Variants in OPCML observed in about 807,000 individuals in gnomAD.
The protein encoded by OPCML is opioid-binding protein/cell adhesion molecule.
A neutral mutation model predicts 37.8 loss-of-function variants in OPCML; 13 were observed. The observed-to-expected ratio is 0.34, with a 90% CI of 0.22 to 0.55. The LOEUF is 0.55. Ranked by LOEUF, OPCML falls within the 20% of genes least tolerant of loss-of-function variation. The pLI, the probability that OPCML is intolerant of heterozygous loss-of-function variation, is 0.91. For synonymous variants in OPCML, 176 were observed against 168.8 expected (o/e 1.04, Z -0.33); for missense variants, 341 against 435.6 (o/e 0.78, Z 1.93).
chr11:133,104,430 G>A (rs561121967), intron 1 of OPCML, among the ~76,000 whole-genome samples: 2 of 152,124 alleles, frequency 1.3e-5, no homozygotes, highest in East Asian at 3.9e-4. Flanking sequence ...ATAGGGACCT[G>A]GAAAAAAAGA....
intron 1 of OPCML, among the ~76,000 whole-genome samples, chr11:133,509,905 G>A (rs570587668): frequency 2.0e-5 from 3 of 152,256 alleles, no homozygotes; most frequent in South Asian, 4.2e-4. Flanking sequence ...CTTCTTAAAG[G>A]CTTTGGGGGT....
At chr11:133,326,551 GTA>G (rs1246413090) in intron 1 of OPCML, among the ~76,000 whole-genome samples, 9 of 144,172 alleles carry the variant, frequency 6.2e-5, no homozygotes, top group African/African-American at 2.1e-4. Context: ...GTGGGTGTGG[GTA>G]TATGTGTGTG....
At chr11:132,515,765 C>T (rs1279845810) in intron 4 of OPCML, among the ~76,000 whole-genome samples, 1 of 152,164 alleles carries the variant, frequency 6.6e-6, no homozygotes, top group Admixed American at 6.5e-5. Context: ...TGATCTTCTT[C>T]ACACTACCAT....
intron 1 of OPCML, among the ~76,000 whole-genome samples, chr11:133,440,399 CA>C (rs574269636): frequency 2.5e-3 from 252 of 100,176 alleles, no homozygotes; most frequent in Middle Eastern, 9.6e-3. Context: ...AACTCCATCT[CA>C]AAAAAAAAAA....
chr11:133,194,949 G>A (rs1343471189), intron 1 of OPCML, among the ~76,000 whole-genome samples: 3 of 152,130 alleles, frequency 2.0e-5, no homozygotes, highest in Non-Finnish European at 2.9e-5. Context: ...ACTCCTTCAC[G>A]TAGCCTTTCA....
At chr11:133,420,769 G>A in intron 1 of OPCML, 1 of 985,382 alleles carries the variant, frequency 1.0e-6, no homozygotes, top group Non-Finnish European at 1.2e-6. Flanking sequence ...CAGCCTTCAA[G>A]TTGAAATTCA....
intron 4 of OPCML, among the ~76,000 whole-genome samples, chr11:132,478,726 G>C (rs1386072984): frequency 1.3e-5 from 2 of 152,118 alleles, no homozygotes; most frequent in Non-Finnish European, 2.9e-5. Context: ...AAGTTCTTAA[G>C]TTTGTTTGTG....
intron 4 of OPCML, 80 bp from the exon 5 acceptor site, chr11:132,437,439 T>C (rs2096017083): frequency 6.4e-7 from 1 of 1,556,296 alleles, no homozygotes; most frequent in Admixed American, 2.1e-5. Context: ...CTAGAGATTG[T>C]AGGAGGAGGA....
intron 3 of OPCML, among the ~76,000 whole-genome samples, chr11:132,637,009 T>G (rs1252407553): frequency 1.3e-5 from 2 of 152,252 alleles, no homozygotes; most frequent in African/African-American, 2.4e-5. Flanking sequence ...ATTTATGTAA[T>G]CCTGACTTCA....
chr11:133,476,317 A>C (rs1947237596), intron 1 of OPCML, among the ~76,000 whole-genome samples: 1 of 152,152 alleles, frequency 6.6e-6, no homozygotes, highest in Admixed American at 6.5e-5. Flanking sequence ...ATTGGGGTGC[A>C]CAGAGAGAAG....
At chr11:132,771,101 C>A (rs1229575271) in intron 2 of OPCML, among the ~76,000 whole-genome samples, 1 of 152,098 alleles carries the variant, frequency 6.6e-6, no homozygotes, top group African/African-American at 2.4e-5. Flanking sequence ...CCAACTTTAA[C>A]CTTGAGGGCT....
At chr11:132,549,501 AC>A (rs1469606040) in intron 3 of OPCML, among the ~76,000 whole-genome samples, 7 of 152,322 alleles carry the variant, frequency 4.6e-5, no homozygotes, top group Admixed American at 1.3e-4. Flanking sequence ...TAATACACTT[AC>A]TTTTGATACA....
At chr11:133,020,046 C>T (rs2136899229) in intron 1 of OPCML, among the ~76,000 whole-genome samples, 1 of 152,286 alleles carries the variant, frequency 6.6e-6, no homozygotes, top group East Asian at 1.9e-4. Flanking sequence ...TGAATATTCA[C>T]CTCCAGGGGC....
At chr11:133,058,433 C>T (rs1046179943) in intron 1 of OPCML, among the ~76,000 whole-genome samples, 2 of 152,214 alleles carry the variant, frequency 1.3e-5, no homozygotes, top group Non-Finnish European at 2.9e-5. Context: ...CTGATACACA[C>T]AGAGACATGG....
chr11:133,045,521 G>A (rs1377838589), intron 1 of OPCML, among the ~76,000 whole-genome samples: 1 of 152,164 alleles, frequency 6.6e-6, no homozygotes, highest in Non-Finnish European at 1.5e-5. Flanking sequence ...ATTGGAGAGG[G>A]AGAAACAAAA....
chr11:132,536,709 G>C (rs1239304813), intron 3 of OPCML, among the ~76,000 whole-genome samples: 1 of 152,112 alleles, frequency 6.6e-6, no homozygotes, highest in Admixed American at 6.6e-5. Context: ...CATTTTAATA[G>C]AAATGTTTAT....
intron 1 of OPCML, among the ~76,000 whole-genome samples, chr11:133,049,704 C>T (rs1349646749): frequency 2.6e-5 from 4 of 152,226 alleles, no homozygotes; most frequent in Non-Finnish European, 4.4e-5. Context: ...TGTAACCCGT[C>T]ACCGTGCAGG....
intron 1 of OPCML, among the ~76,000 whole-genome samples, chr11:133,039,515 G>A (rs1321212851): frequency 6.6e-6 from 1 of 152,164 alleles, no homozygotes; most frequent in Non-Finnish European, 1.5e-5. Context: ...GAAGAGTGGA[G>A]TGTATACCCA....
At chr11:132,978,801 G>A (rs1298969030) in intron 1 of OPCML, among the ~76,000 whole-genome samples, 1 of 151,572 alleles carries the variant, frequency 6.6e-6, no homozygotes, top group Non-Finnish European at 1.5e-5. Context: ...TTATACATGT[G>A]TATATACACG....
Sources: allele counts gnomAD v4.1 joint callset (sites outside exome capture counted in the v4.1 genomes callset), GRCh38; gene constraint gnomAD v4.1.1; transcripts MANE v1.5; gene names NCBI Gene and HGNC (gene_info 2026-07-23, HGNC 2026-07-21).